Variants in HRK observed in about 807,000 individuals in gnomAD.
HRK encodes the protein harakiri, BCL2 interacting protein.
HRK carries 6 observed loss-of-function variants against 5.9 expected under a neutral mutation model. The ratio of observed to expected loss-of-function variants is 1.02; its 90% confidence interval spans 0.56 to 2.01. HRK has a LOEUF of 2.01. Among genes scored for constraint, HRK ranks in the 30% most tolerant of loss-of-function variants. The probability of loss-of-function intolerance (pLI) is 0.00; values close to 1 mark genes in which losing one functional copy is unlikely to be tolerated. For synonymous variants in HRK, 85 were observed against 65.1 expected, an observed-to-expected ratio of 1.31 and a Z score of -1.47; for missense variants, 133 against 128.3, an observed-to-expected ratio of 1.04 and a Z score of -0.18.
At chr12:116,863,759 C>T (rs572392443) in intron 1 of HRK, among the ~76,000 whole-genome samples, 81 of 151,412 alleles carry the variant, frequency 5.3e-4, no homozygotes, top group African/African-American at 1.9e-3. Context: ...AGTGCAGTGG[C>T]GCCATCATAG....
In HRK at chr12:116,866,864, C is replaced by T. The variant is rs149204407; in HGVS notation, c.*57-5398G>A. ...AAACAAACAAAAAATACAGACTCTTCTTAAGGCAAACTGTGGCCTGTAAGA... is the reference window on the plus strand; with the variant it reads ...AAACAAACAAAAAATACAGACTCTTTTTAAGGCAAACTGTGGCCTGTAAGA... On this transcript the variant is annotated intron_variant, in intron 1 of 1. Transcript: ENST00000257572. Among the ~76,000 whole-genome samples the T allele has an allele frequency of 2.1e-3, 313 of 152,316 alleles. 1 individual carries two copies. Among genetic ancestry groups the T allele is most frequent in the African/African-American group, 7.3e-3 (304 of 41,582 alleles).
chr12:116,880,965 C>T lies in HRK; in HGVS notation c.*56+11G>A. 3.3e-6 allele frequency: 4 copies of T among 1,198,886 alleles called. No homozygotes were observed. The South Asian group carries it at 1.0e-4, about 31-fold the overall frequency. The allele number at this position is 1,198,886 out of a possible 1,614,324, so 74.3% of individuals were successfully genotyped here. A position where few individuals can be genotyped will look rare whatever the true frequency, so the allele number is the denominator to read the frequency against. ...TGCCGCGCCCCGGCTCTCGCTCGCT[C>T]GCTCGCGTACCTGTTGCTCGCTCCG... is the stretch of plus-strand genomic sequence containing the variant. On this transcript the variant is annotated intron_variant, in intron 1 of 1. Transcript: ENST00000257572.
At position 116,880,990 on chromosome 12, in the gene HRK, G is replaced by A. The variant is rs1879122793; in HGVS notation, c.*42C>T. On this transcript the variant is annotated 3_prime_UTR_variant, in exon 1 of 2. Transcript: ENST00000257572. ...CGCTCGCGTACCTGTTGCTCGCTCCGGCTGGGTCTCGGCTCCGGCCCCACC... is the reference window on the plus strand; with the variant it reads ...CGCTCGCGTACCTGTTGCTCGCTCCAGCTGGGTCTCGGCTCCGGCCCCACC... The A allele has an allele frequency of 3.2e-6, 4 of 1,254,730 alleles. No homozygotes were observed. Among genetic ancestry groups the A allele is most frequent in the African/African-American group, 1.6e-5 (1 of 63,506 alleles). The allele number at this position is 1,254,730 out of a possible 1,614,324, so 77.7% of individuals were successfully genotyped here.
At chr12:116,871,210 G>T (rs190827079) in intron 1 of HRK, among the ~76,000 whole-genome samples, 3 of 151,658 alleles carry the variant, frequency 2.0e-5, no homozygotes, top group Admixed American at 6.6e-5. Context: ...ACCCACCTTG[G>T]CCCCCTAAAG....
chr12:116,875,353 A>C (rs1243976677), intron 1 of HRK, among the ~76,000 whole-genome samples: 2 of 152,132 alleles, frequency 1.3e-5, no homozygotes, highest in Non-Finnish European at 2.9e-5. Flanking sequence ...AACAAGAACA[A>C]TATTTACTTA....
At chr12:116,861,799 C>A (rs1878377323) in intron 1 of HRK, among the ~76,000 whole-genome samples, 1 of 152,240 alleles carries the variant, frequency 6.6e-6, no homozygotes, top group South Asian at 2.1e-4. Flanking sequence ...GACACATGAA[C>A]TTTTTGCTTC....
At chr12:116,880,457 C>T (rs1163258560) in intron 1 of HRK, among the ~76,000 whole-genome samples, 1 of 152,004 alleles carries the variant, frequency 6.6e-6, no homozygotes, top group Non-Finnish European at 1.5e-5. Context: ...GCTTGGGGTG[C>T]CAGATAATGG....
chr12:116,880,845 A>G, intron 1 of HRK, 131 bp downstream of exon 1: 1 of 350,420 alleles, frequency 2.9e-6, no homozygotes, highest in Non-Finnish European at 5.1e-6. Context: ...TGCTTGCAAG[A>G]GAAGAGAACG....
chr12:116,863,739 C>A (rs1475516547), intron 1 of HRK, among the ~76,000 whole-genome samples: 2 of 151,842 alleles, frequency 1.3e-5, no homozygotes, highest in Non-Finnish European at 2.9e-5. Context: ...CGCTCTGCCA[C>A]CCAGGCAGGA....
At chr12:116,870,347 C>A (rs946738706) in intron 1 of HRK, among the ~76,000 whole-genome samples, 1 of 152,174 alleles carries the variant, frequency 6.6e-6, no homozygotes, top group Non-Finnish European at 1.5e-5. Flanking sequence ...AGTGACATTA[C>A]TGAGACTTGG....
At chr12:116,863,713 T>A (rs900988921) in intron 1 of HRK, among the ~76,000 whole-genome samples, 11 of 150,790 alleles carry the variant, frequency 7.3e-5, no homozygotes, top group Admixed American at 2.6e-4. Flanking sequence ...TTTTTTTTTT[T>A]AAAGAAACTG....
At chr12:116,866,667 C>T (rs1486479205) in intron 1 of HRK, among the ~76,000 whole-genome samples, 2 of 152,096 alleles carry the variant, frequency 1.3e-5, no homozygotes, top group Non-Finnish European at 1.5e-5. Flanking sequence ...GTTATCAATG[C>T]TATCAGCTAC....
intron 1 of HRK, among the ~76,000 whole-genome samples, chr12:116,873,516 G>C (rs1465630699): frequency 1.3e-5 from 2 of 152,016 alleles, no homozygotes; most frequent in Non-Finnish European, 2.9e-5. Context: ...TGGTAACACA[G>C]GTGCAGACCA....
intron 1 of HRK, among the ~76,000 whole-genome samples, chr12:116,877,362 G>A (rs915238484): frequency 1.3e-5 from 2 of 152,080 alleles, no homozygotes; most frequent in African/African-American, 4.8e-5. Context: ...GCCTGCACTG[G>A]ACACTTTAAA....
chr12:116,873,902 T>C (rs1255309934), intron 1 of HRK, among the ~76,000 whole-genome samples: 1 of 151,620 alleles, frequency 6.6e-6, no homozygotes, highest in African/African-American at 2.4e-5. Context: ...AAATCAGAAA[T>C]CCCCCACCCA....
rs10718774 is a variant in HRK at position 116,860,710 on chromosome 12, TA to T, written c.*812del. The T allele has an allele frequency of 0.57, 80,774 of 141,648 alleles. 26,398 individuals are homozygous for T. Among genetic ancestry groups the T allele is most frequent in the Non-Finnish European group, 0.73 (48,021 of 65,712 alleles). 8.8% of individuals were successfully genotyped at this position (141,648 alleles called of 1,614,324 possible). On this transcript the variant is annotated 3_prime_UTR_variant, in exon 2 of 2. Transcript: ENST00000257572. ...AGTGGCACTTTTGCAACTTGTCCCT[TA>T]AAAAAAAAAAAAAAAGAATCTGAAA...
chr12:116,867,920 G>A (rs1878603968), intron 1 of HRK: 1 of 152,092 alleles, frequency 6.6e-6, no homozygotes, highest in Admixed American at 6.6e-5. Flanking sequence ...CTGAAATCAG[G>A]GGTCATGAAC....
intron 1 of HRK, among the ~76,000 whole-genome samples, chr12:116,877,217 A>ATTTTT (rs377267721): frequency 1.1e-4 from 16 of 143,332 alleles, no homozygotes; most frequent in African/African-American, 3.9e-4. Context: ...TGCCCAGCTA[A>ATTTTT]TTTTTTTTTT....
intron 1 of HRK, among the ~76,000 whole-genome samples, chr12:116,880,254 C>A (rs2137256850): frequency 1.3e-5 from 2 of 152,352 alleles, no homozygotes; most frequent in East Asian, 3.9e-4. Flanking sequence ...CCTATTCCAG[C>A]CCACTCCGAG....
Sources: gnomAD v4.1 joint callset for allele counts (sites outside exome capture counted in the v4.1 genomes callset) on GRCh38, gnomAD v4.1.1 for gene constraint, MANE v1.5 for transcripts, NCBI Gene and HGNC (gene_info 2026-07-23, HGNC 2026-07-21) for gene names.